Variants in HMCN1 observed in about 807,000 individuals in gnomAD.
HMCN1 encodes hemicentin-1.
HMCN1 carries 321 observed loss-of-function variants against 625.9 expected under a neutral mutation model. The ratio of observed to expected loss-of-function variants is 0.51; its 90% confidence interval spans 0.47 to 0.56. HMCN1 has a LOEUF of 0.56. Ranked by LOEUF, HMCN1 falls within the 20% of genes least tolerant of loss-of-function variation. HMCN1 has a pLI of 0.00. For missense variants in HMCN1, 6,588 were observed against 6,887.3 expected (o/e 0.96, Z 1.54); for synonymous variants, 2,425 against 2,417.6 (o/e 1.00, Z -0.09).
intron 50 of HMCN1, among the ~76,000 whole-genome samples, 157 bp from the exon 51 acceptor site, chr1:186,069,506 A>T (rs1448237936): frequency 6.6e-6 from 1 of 152,194 alleles, no homozygotes; most frequent in African/African-American, 2.4e-5. Context: ...TGCAATCCCC[A>T]TCAGTATTGC....
chr1:186,052,700 G>T (rs1373026582), intron 42 of HMCN1, among the ~76,000 whole-genome samples: 2 of 151,964 alleles, frequency 1.3e-5, no homozygotes, highest in South Asian at 2.1e-4. Flanking sequence ...TATTTTGTAA[G>T]TTATAATAAA....
At chr1:185,853,870 A>G (rs1002317800) in intron 2 of HMCN1, among the ~76,000 whole-genome samples, 3 of 152,204 alleles carry the variant, frequency 2.0e-5, no homozygotes, top group African/African-American at 7.2e-5. Flanking sequence ...ATCTATGGGA[A>G]TATCCTTAAG....
intron 70 of HMCN1, among the ~76,000 whole-genome samples, chr1:186,107,818 T>C (rs1660683287): frequency 6.6e-6 from 1 of 152,108 alleles, no homozygotes; most frequent in Non-Finnish European, 1.5e-5. Flanking sequence ...TGAAACTAAT[T>C]GTCAAATTAC....
At chr1:186,087,790 T>C in intron 60 of HMCN1, 142 bp from the exon 61 acceptor site, 1 of 1,151,384 alleles carries the variant, frequency 8.7e-7, no homozygotes, top group Non-Finnish European at 1.3e-6. Flanking sequence ...ACTATTTTTA[T>C]AAAAAATAGC....
intron 1 of HMCN1, among the ~76,000 whole-genome samples, chr1:185,838,881 T>C (rs998897386): frequency 2.0e-5 from 3 of 152,320 alleles, no homozygotes; most frequent in African/African-American, 7.2e-5. Context: ...GTTTGTTGAA[T>C]GAATTGAAGC....
chr1:185,838,197 C>A (rs1661283542), intron 1 of HMCN1, among the ~76,000 whole-genome samples: 2 of 152,176 alleles, frequency 1.3e-5, no homozygotes, highest in Admixed American at 6.5e-5. Flanking sequence ...GTGCTCTTGG[C>A]AGGTCCATTT....
At chr1:186,156,369 A>G (rs1032552762) in intron 97 of HMCN1, among the ~76,000 whole-genome samples, 4 of 152,224 alleles carry the variant, frequency 2.6e-5, no homozygotes, top group African/African-American at 9.6e-5. Context: ...AAATACCCTC[A>G]GTAGAAAAAT....
chr1:185,890,606 TG>T (rs1665004362), intron 4 of HMCN1, among the ~76,000 whole-genome samples: 1 of 135,904 alleles, frequency 7.4e-6, no homozygotes, highest in Admixed American at 7.2e-5. Context: ...TCAGTTTCCA[TG>T]TAGTTGAGCG....
intron 3 of HMCN1, 72 bp from the exon 4 acceptor site, chr1:185,865,669 G>T: frequency 7.9e-7 from 1 of 1,264,516 alleles, no homozygotes. Context: ...TAACACAATA[G>T]GTAGTCAATA....
At chr1:185,886,513 C>T (rs556606543) in intron 4 of HMCN1, among the ~76,000 whole-genome samples, 35 of 151,598 alleles carry the variant, frequency 2.3e-4, no homozygotes, top group African/African-American at 7.5e-4. Context: ...CTTGCACAAA[C>T]TGTATTTATA....
chr1:185,772,770 C>T (rs545832059), intron 1 of HMCN1, among the ~76,000 whole-genome samples: 9 of 152,126 alleles, frequency 5.9e-5, no homozygotes, highest in Non-Finnish European at 1.3e-4. Flanking sequence ...TTTATTTTCT[C>T]ACAGTTCTCA....
chr1:185,844,433 C>T lies in HMCN1; in HGVS notation c.269-1593C>T, dbSNP rs115511223. 5.2e-3 allele frequency among the ~76,000 whole-genome samples: 797 copies of T among 152,246 alleles called. 8 individuals are homozygous for T. Among genetic ancestry groups the T allele is most frequent in the African/African-American group, 0.018 (753 of 41,526 alleles). Reference sequence around the variant, plus strand: ...TGGCAGACAAATTGTACCTCCTTTCCAATTTGTCTCATTTATTTTTAAAAT... The same window carrying T: ...TGGCAGACAAATTGTACCTCCTTTCTAATTTGTCTCATTTATTTTTAAAAT... On this transcript the variant is annotated intron_variant, in intron 1 of 106. Coordinates refer to ENST00000271588, the MANE Select transcript of HMCN1 (RefSeq NM_031935.3).
At chr1:186,155,685 T>A (rs184245200) in intron 97 of HMCN1, among the ~76,000 whole-genome samples, 1 of 152,304 alleles carries the variant, frequency 6.6e-6, no homozygotes, top group East Asian at 1.9e-4. Context: ...AGAAACACAC[T>A]GTATGACCTT....
intron 21 of HMCN1, 85 bp downstream of exon 21, chr1:185,989,732 A>G: frequency 8.3e-7 from 1 of 1,198,360 alleles, no homozygotes; most frequent in Non-Finnish European, 1.2e-6. Context: ...CTGTTACCAG[A>G]TGCATGTACC....
At chr1:185,850,263 A>G (rs1662082622) in intron 2 of HMCN1, among the ~76,000 whole-genome samples, 1 of 152,190 alleles carries the variant, frequency 6.6e-6, no homozygotes, top group South Asian at 2.1e-4. Flanking sequence ...ACTTGATGGT[A>G]CAGAAAATAC....
In HMCN1 at chr1:186,145,498, C is replaced by G. The variant is rs369745222; in HGVS notation, c.14362C>G (p.Pro4788Ala). ...GCGGTACCGCACATGTGATAACCCT[C>G]CTCCCTCCAATGGGGGAAGAGCTTG... ...MRRYRTCDNP[P>A]PSNGGRACGG... The change falls in exon 92 of 107, where the codon CCT becomes GCT. Residue 4788 changes from proline to alanine, a missense_variant. By Grantham distance (27) the Pro-to-Ala change is conservative. Around this residue, in one of 3 missense-constraint regions of HMCN1, gnomAD observed 1,954 missense variants for 2,013.1 expected, o/e 0.97. Coordinates refer to ENST00000271588, the MANE Select transcript of HMCN1 (RefSeq NM_031935.3). 9.3e-6 allele frequency: 15 copies of G among 1,613,944 alleles called. No individual in the cohort carries two copies. The African/African-American group carries it at 2.0e-4, about 22-fold the overall frequency.
chr1:186,026,881 G>A (rs1376184340), intron 36 of HMCN1, among the ~76,000 whole-genome samples: 1 of 150,978 alleles, frequency 6.6e-6, no homozygotes, highest in Non-Finnish European at 1.5e-5. Flanking sequence ...GACATCTGCC[G>A]ACCTCGGCCT....
At chr1:185,947,631 G>T (rs1668413915) in intron 11 of HMCN1, among the ~76,000 whole-genome samples, 1 of 152,120 alleles carries the variant, frequency 6.6e-6, no homozygotes, top group Non-Finnish European at 1.5e-5. Context: ...GATTTCAGTG[G>T]CCCTTGCTTC....
chr1:186,050,388 A>G lies in HMCN1; in HGVS notation c.6577+1549A>G, dbSNP rs574132543. On this transcript the variant is annotated intron_variant, in intron 42 of 106. Transcript: ENST00000271588. ...AAGGTAAAAGGAATGTATACAGAAG[A>G]GTACGCGATAGGATGGCTCTCAGGT... Among the ~76,000 whole-genome samples the G allele has an allele frequency of 7.6e-4, 115 of 152,046 alleles. 1 individual carries two copies. The South Asian group carries it at 0.02, about 27-fold the overall frequency.
Sources: gnomAD v4.1 joint callset for allele counts (sites outside exome capture counted in the v4.1 genomes callset) on GRCh38, gnomAD v4.1.1 for gene constraint, gnomAD v4.1.1 regional missense constraint, MANE v1.5 for transcripts, NCBI Gene and HGNC (gene_info 2026-07-23, HGNC 2026-07-21) for gene names.